The following OR1J2 variants were observed in gnomAD, a reference collection of about 807,000 sequenced individuals.
OR1J2 encodes olfactory receptor 1J2.
For synonymous variants in OR1J2, 142 were observed against 99.7 expected (o/e 1.42, Z -2.52); for missense variants, 304 against 246.1 (o/e 1.24, Z -1.57).
the OR1J2 span, chr9:122,519,815 C>G: frequency 6.2e-7 from 1 of 1,614,166 alleles, no homozygotes; most frequent in Non-Finnish European, 8.5e-7. Context: ...GGGTCACCAT[C>G]CTCAAGGCTC....
the OR1J2 span, chr9:122,475,598 G>A: frequency 3.3e-5 from 5 of 152,102 alleles, no homozygotes; most frequent in African/African-American, 7.2e-5. Context: ...AGATTGAGAG[G>A]CTCAAGTGTT....
At chr9:122,499,613 C>T in the OR1J2 span, among the ~76,000 whole-genome samples, 1 of 152,102 alleles carries the variant, frequency 6.6e-6, no homozygotes, top group African/African-American at 2.4e-5. Flanking sequence ...GGTCTCCCTG[C>T]ACCAGGATCT....
In OR1J2 at chr9:122,511,562, C is replaced by A; in HGVS notation, c.761C>A (p.Ser254Ter). ...HLSVVSLYYG[S>*]IFGQYLFPTV... ...TCTGTGGTGTCTCTCTATTATGGGT[C>A]AATATTTGGCCAGTACCTTTTCCCG... is the stretch of plus-strand genomic sequence containing the variant. Residue 254 changes from serine to a stop codon, truncating the protein, a stop_gained, in exon 1 of 1, where the codon TCA (serine) becomes TAA (stop). Transcript: ENST00000335302. LOFTEE classifies it low-confidence loss of function (END_TRUNC). 2 of 781,016 alleles carry A rather than the reference C, an allele frequency of 2.6e-6. No homozygotes were observed. Among genetic ancestry groups the A allele is most frequent in the Admixed American group, 3.4e-5 (2 of 59,034 alleles). 48.4% of individuals were successfully genotyped at this position (781,016 alleles called of 1,614,324 possible).
the OR1J2 span, among the ~76,000 whole-genome samples, chr9:122,465,053 G>A: frequency 2.0e-5 from 3 of 152,058 alleles, no homozygotes; most frequent in Non-Finnish European, 4.4e-5. Context: ...TCAAAAGGTA[G>A]GCACGAGTTG....
At chr9:122,473,004 C>T in the OR1J2 span, among the ~76,000 whole-genome samples, 2 of 152,204 alleles carry the variant, frequency 1.3e-5, no homozygotes, top group Non-Finnish European at 2.9e-5. Flanking sequence ...ATCTGTTTCT[C>T]CCAAGATGTT....
At chr9:122,562,401 A>G in the OR1J2 span, among the ~76,000 whole-genome samples, 1 of 152,202 alleles carries the variant, frequency 6.6e-6, no homozygotes, top group African/African-American at 2.4e-5. Context: ...CTGAGTGGCT[A>G]TTGAGAATCT....
the OR1J2 span, among the ~76,000 whole-genome samples, chr9:122,566,517 A>G: frequency 6.6e-6 from 1 of 152,010 alleles, no homozygotes; most frequent in African/African-American, 2.4e-5. Context: ...ATGGCTTTTC[A>G]AGGAAGCAGT....
At chr9:122,532,069 G>T in the OR1J2 span, among the ~76,000 whole-genome samples, 1 of 79,800 alleles carries the variant, frequency 1.3e-5, no homozygotes, top group Non-Finnish European at 2.7e-5. Flanking sequence ...TGCCAGTCCT[G>T]GGTGGGAGCA....
the OR1J2 span, among the ~76,000 whole-genome samples, chr9:122,545,790 A>G: frequency 6.6e-6 from 1 of 152,184 alleles, no homozygotes; most frequent in Non-Finnish European, 1.5e-5. Flanking sequence ...AAAGTCATGT[A>G]CTAGAATGTT....
the OR1J2 span, among the ~76,000 whole-genome samples, chr9:122,521,815 AG>A: frequency 8.5e-5 from 13 of 152,220 alleles, no homozygotes; most frequent in African/African-American, 3.1e-4. Context: ...AGATCCCTGA[AG>A]ATCTGCCTAG....
rs780992877 is a variant in OR1J2 at position 122,511,483 on chromosome 9, G to T, written c.682G>T (p.Val228Phe). The T allele has an allele frequency of 2.6e-6, 2 of 780,840 alleles. No individual in the cohort carries two copies. Among genetic ancestry groups the T allele is most frequent in the Non-Finnish European group, 4.8e-6 (2 of 418,040 alleles). 48.4% of individuals were successfully genotyped at this position (780,840 alleles called of 1,614,324 possible). Residue 228 changes from valine to phenylalanine, a missense_variant, in exon 1 of 1, where the codon GTC (valine) becomes TTC (phenylalanine). Val to Phe is a conservative substitution (Grantham distance 50). Coordinates refer to ENST00000335302, the MANE Select transcript of OR1J2 (RefSeq NM_054107.1). The part of the protein sequence containing the change: ...YGYIGATILR[V>F]PSTKGIHKAL... ...CTACATTGGGGCCACCATCCTGAGG[G>T]TCCCTTCAACCAAAGGGATCCACAA...
At chr9:122,499,072 A>G in the OR1J2 span, among the ~76,000 whole-genome samples, 1 of 152,232 alleles carries the variant, frequency 6.6e-6, no homozygotes, top group Non-Finnish European at 1.5e-5. Flanking sequence ...GCCTCAGGCA[A>G]TGATCTGATT....
At chr9:122,535,086 A>C in the OR1J2 span, among the ~76,000 whole-genome samples, 1 of 151,914 alleles carries the variant, frequency 6.6e-6, no homozygotes, top group South Asian at 2.1e-4. Flanking sequence ...CCCATAGTGA[A>C]GGAGGCAAGC....
chr9:122,499,521 G>T, the OR1J2 span, among the ~76,000 whole-genome samples: 5 of 152,104 alleles, frequency 3.3e-5, no homozygotes, highest in Non-Finnish European at 7.4e-5. Flanking sequence ...CTGCACAGGA[G>T]GGGTGGAGGC....
chr9:122,526,973 A>G, the OR1J2 span: 2 of 1,614,210 alleles, frequency 1.2e-6, no homozygotes, highest in Non-Finnish European at 1.7e-6. Flanking sequence ...AGCTGTCTAG[A>G]TCACCAAACA....
At chr9:122,500,608 AG>A in the OR1J2 span, among the ~76,000 whole-genome samples, 1 of 152,236 alleles carries the variant, frequency 6.6e-6, no homozygotes, top group Non-Finnish European at 1.5e-5. Context: ...CTAAACTGCA[AG>A]GGAGGTCAAG....
At chr9:122,458,201 C>T in the OR1J2 span, among the ~76,000 whole-genome samples, 1 of 152,090 alleles carries the variant, frequency 6.6e-6, no homozygotes, top group South Asian at 2.1e-4. Context: ...TTTTTATTCT[C>T]TTAAAATGTT....
At chr9:122,522,583 A>G in the OR1J2 span, among the ~76,000 whole-genome samples, 3 of 150,744 alleles carry the variant, frequency 2.0e-5, no homozygotes, top group South Asian at 2.1e-4. Context: ...AACTGTGTGC[A>G]TGTGTGTGTG....
At chr9:122,469,080 G>A in the OR1J2 span, among the ~76,000 whole-genome samples, 1 of 152,316 alleles carries the variant, frequency 6.6e-6, no homozygotes, top group East Asian at 1.9e-4. Flanking sequence ...GATTGTGAAA[G>A]CAGCTCATTT....
Sources: allele counts gnomAD v4.1 joint callset (sites outside exome capture counted in the v4.1 genomes callset), GRCh38; gene constraint gnomAD v4.1.1; transcripts MANE v1.5; gene names NCBI Gene and HGNC (gene_info 2026-07-23, HGNC 2026-07-21).